CNBD1: variants seen among roughly 807,000 people sequenced by gnomAD.
CNBD1 encodes the protein cyclic nucleotide binding domain containing 1, also known as cyclic nucleotide-binding domain-containing protein 1.
In CNBD1, 71 loss-of-function variants were observed where a neutral mutation model predicts 54.4. That is an observed-to-expected ratio of 1.30 (90% confidence interval 1.08 to 1.59). The LOEUF (loss-of-function observed/expected upper bound fraction) is 1.59. Ranked by LOEUF, CNBD1 falls within the 40% of genes most tolerant of loss-of-function variation. The pLI is 0.00. For missense variants in CNBD1, 659 were observed against 518.0 expected, an observed-to-expected ratio of 1.27 and a Z score of -2.64; for synonymous variants, 182 against 170.7, an observed-to-expected ratio of 1.07 and a Z score of -0.51.
At chr8:87,121,726 C>G (rs1811894479) in intron 4 of CNBD1, among the ~76,000 whole-genome samples, 1 of 151,674 alleles carries the variant, frequency 6.6e-6, no homozygotes, top group Non-Finnish European at 1.5e-5. Context: ...TCTATGAGTT[C>G]AACTTTCTTA....
At chr8:86,964,700 T>A (rs751358417) in intron 4 of CNBD1, among the ~76,000 whole-genome samples, 116 of 152,272 alleles carry the variant, frequency 7.6e-4, no homozygotes, top group Non-Finnish European at 1.2e-3. Flanking sequence ...ACTTCTAAGA[T>A]GAGGCAAGCT....
chr8:86,869,338 A>G (rs1173475364), intron 1 of CNBD1, among the ~76,000 whole-genome samples: 1 of 117,880 alleles, frequency 8.5e-6, no homozygotes, highest in Non-Finnish European at 1.8e-5. Context: ...TGTGTAAACA[A>G]ACTCTACTCA....
chr8:86,977,587 T>C (rs1330158450), intron 4 of CNBD1, among the ~76,000 whole-genome samples: 1 of 152,082 alleles, frequency 6.6e-6, no homozygotes, highest in Non-Finnish European at 1.5e-5. Flanking sequence ...AATTTAATTA[T>C]GAGACTAGTA....
intron 4 of CNBD1, among the ~76,000 whole-genome samples, chr8:86,942,930 A>T (rs1310297839): frequency 6.6e-6 from 1 of 152,194 alleles, no homozygotes; most frequent in Non-Finnish European, 1.5e-5. Flanking sequence ...CCTTTTGTTT[A>T]TCTCTGACTA....
At chr8:87,159,752 C>A (rs1166274913) in intron 4 of CNBD1, among the ~76,000 whole-genome samples, 1 of 152,118 alleles carries the variant, frequency 6.6e-6, no homozygotes, top group Non-Finnish European at 1.5e-5. Flanking sequence ...TGTGTCAGGG[C>A]TGCCAGTTCT....
chr8:87,095,520 T>C (rs1487379218), intron 4 of CNBD1, among the ~76,000 whole-genome samples: 1 of 152,244 alleles, frequency 6.6e-6, no homozygotes, highest in East Asian at 1.9e-4. Context: ...TGATTTTGCA[T>C]CATATTTACT....
intron 6 of CNBD1, among the ~76,000 whole-genome samples, chr8:87,274,873 C>CTT (rs1808442582): frequency 7.5e-6 from 1 of 134,146 alleles, no homozygotes; most frequent in Non-Finnish European, 1.6e-5. Flanking sequence ...GTAATTTTAG[C>CTT]CTAGGTTTTC....
intron 8 of CNBD1, among the ~76,000 whole-genome samples, chr8:87,344,091 G>A (rs1025317095): frequency 1.3e-5 from 2 of 151,950 alleles, no homozygotes; most frequent in South Asian, 2.1e-4. Flanking sequence ...AGTGGGAAAA[G>A]GCCAGTAATT....
intron 4 of CNBD1, among the ~76,000 whole-genome samples, chr8:87,105,177 T>C (rs2130697775): frequency 6.6e-6 from 1 of 152,282 alleles, no homozygotes; most frequent in South Asian, 2.1e-4. Flanking sequence ...TATATCAAAA[T>C]TGTGAAATAC....
chr8:87,170,969 G>A (rs1283194466), intron 4 of CNBD1, among the ~76,000 whole-genome samples: 1 of 151,950 alleles, frequency 6.6e-6, no homozygotes, highest in Non-Finnish European at 1.5e-5. Context: ...TGGTCTGTAG[G>A]TTTTTTTGTG....
chr8:87,249,101 C>T (rs1807862976), intron 6 of CNBD1, among the ~76,000 whole-genome samples: 1 of 152,110 alleles, frequency 6.6e-6, no homozygotes, highest in Non-Finnish European at 1.5e-5. Flanking sequence ...GCAGTCAAAC[C>T]TCTCTGCTAA....
chr8:87,157,083 T>C (rs1057445676), intron 4 of CNBD1, among the ~76,000 whole-genome samples: 3 of 152,056 alleles, frequency 2.0e-5, no homozygotes, highest in African/African-American at 7.2e-5. Context: ...ATGCATGAGT[T>C]TTAATGAAGC....
intron 4 of CNBD1, among the ~76,000 whole-genome samples, chr8:87,020,076 C>A (rs890262287): frequency 2.6e-5 from 4 of 152,038 alleles, no homozygotes; most frequent in African/African-American, 9.7e-5. Context: ...CTACCTGTAA[C>A]CTTGGATGCC....
chr8:86,917,554 C>G (rs920276861), intron 3 of CNBD1, among the ~76,000 whole-genome samples: 1 of 152,188 alleles, frequency 6.6e-6, no homozygotes, highest in East Asian at 1.9e-4. Context: ...GAGTGAGTTG[C>G]CAGTAGGACT....
intron 8 of CNBD1, among the ~76,000 whole-genome samples, chr8:87,321,199 T>A (rs867562910): frequency 6.6e-6 from 1 of 152,192 alleles, no homozygotes; most frequent in African/African-American, 2.4e-5. Context: ...TATCCAGAAG[T>A]AAGAATGCTG....
intron 3 of CNBD1, among the ~76,000 whole-genome samples, chr8:86,935,952 A>C (rs1387157471): frequency 6.6e-6 from 1 of 151,922 alleles, no homozygotes; most frequent in Non-Finnish European, 1.5e-5. Context: ...TTTGAGACTA[A>C]CCTGGCCAAC....
chr8:87,012,505 TG>T (rs1485320022), intron 4 of CNBD1, among the ~76,000 whole-genome samples: 1 of 152,196 alleles, frequency 6.6e-6, no homozygotes, highest in African/African-American at 2.4e-5. Context: ...AAGTCTCTGG[TG>T]GGAAGAATCC....
intron 6 of CNBD1, among the ~76,000 whole-genome samples, chr8:87,273,181 T>C (rs1435072790): frequency 6.6e-6 from 1 of 151,968 alleles, no homozygotes; most frequent in Non-Finnish European, 1.5e-5. Flanking sequence ...ACCAATAATG[T>C]TTAGAAAATT....
chr8:86,996,144 T>G (rs1172581550), intron 4 of CNBD1, among the ~76,000 whole-genome samples: 2 of 152,192 alleles, frequency 1.3e-5, no homozygotes, highest in African/African-American at 4.8e-5. Context: ...TTTTTTTTAA[T>G]AAATTCAGAA....
Sources: gnomAD v4.1 joint callset for allele counts (sites outside exome capture counted in the v4.1 genomes callset) on GRCh38, gnomAD v4.1.1 for gene constraint, MANE v1.5 for transcripts, NCBI Gene and HGNC (gene_info 2026-07-23, HGNC 2026-07-21) for gene names.